HSD17B12: variants seen among roughly 807,000 people sequenced by gnomAD.
HSD17B12 encodes the protein hydroxysteroid 17-beta dehydrogenase 12, also known as very-long-chain 3-oxoacyl-CoA reductase.
Under a neutral mutation model 39.3 loss-of-function variants are expected in HSD17B12, and 32 were observed. The observed-to-expected ratio is 0.81, with a 90% CI of 0.61 to 1.09. The LOEUF (loss-of-function observed/expected upper bound fraction) is 1.09, where lower values mean the gene tolerates loss of function less well. Ranked by LOEUF, HSD17B12 falls within the 50% of genes least tolerant of loss-of-function variation. The pLI is 0.00. For missense variants in HSD17B12, 342 were observed against 382.9 expected, an observed-to-expected ratio of 0.89 and a Z score of 0.89; for synonymous variants, 150 against 146.7, an observed-to-expected ratio of 1.02 and a Z score of -0.16.
chr11:43,683,114 T>G (rs1218131473), intron 1 of HSD17B12, among the ~76,000 whole-genome samples: 3 of 151,604 alleles, frequency 2.0e-5, no homozygotes, highest in Non-Finnish European at 2.9e-5. Flanking sequence ...GTTTTTTTTT[T>G]TTTTTCTCTT....
chr11:43,806,380 C>G (rs1291996063), intron 4 of HSD17B12: 1 of 152,134 alleles, frequency 6.6e-6, no homozygotes, highest in African/African-American at 2.4e-5. Flanking sequence ...GAAGAGATAT[C>G]TGCACTCTAT....
chr11:43,655,437 A>T, the HSD17B12 span, among the ~76,000 whole-genome samples: 1 of 152,116 alleles, frequency 6.6e-6, no homozygotes, highest in Non-Finnish European at 1.5e-5. Context: ...AACTTCCAAC[A>T]CTATGTTGAA....
chr11:43,581,401 C>T, the HSD17B12 span: 5 of 515,362 alleles, frequency 9.7e-6, no homozygotes, highest in Admixed American at 4.0e-5. The surrounding 1 kb of genome is among the most constrained non-coding windows in gnomAD (Gnocchi z 4.9). Flanking sequence ...TTCTGCCCTT[C>T]GCGAATCTTT....
intron 1 of HSD17B12, chr11:43,719,117 G>C (rs377256253): frequency 1.3e-6 from 1 of 762,054 alleles, no homozygotes; most frequent in Admixed American, 1.7e-5. Context: ...CAATGCTTTG[G>C]ATGTTGCCAA....
chr11:43,804,805 A>G (rs755358991), intron 4 of HSD17B12, among the ~76,000 whole-genome samples: 12 of 152,244 alleles, frequency 7.9e-5, no homozygotes, highest in Non-Finnish European at 1.8e-4. Flanking sequence ...CATCAGAGTT[A>G]AGATCAGAGT....
At chr11:43,685,478 A>C (rs1263797529) in intron 1 of HSD17B12, among the ~76,000 whole-genome samples, 1 of 152,254 alleles carries the variant, frequency 6.6e-6, no homozygotes, top group Non-Finnish European at 1.5e-5. Context: ...TTAGTTATTT[A>C]AATTGACAAC....
the HSD17B12 span, among the ~76,000 whole-genome samples, chr11:43,672,149 C>G: frequency 6.6e-6 from 1 of 151,986 alleles, no homozygotes; most frequent in Non-Finnish European, 1.5e-5. Flanking sequence ...CCCGGGTTCA[C>G]GCCATTCTCC....
the HSD17B12 span, among the ~76,000 whole-genome samples, chr11:43,583,014 A>G: frequency 4.6e-5 from 7 of 152,208 alleles, no homozygotes; most frequent in Non-Finnish European, 1.0e-4. Flanking sequence ...GGAGAGGCAT[A>G]AGAACCACGT....
At chr11:43,631,641 G>GTC in the HSD17B12 span, among the ~76,000 whole-genome samples, 17 of 144,926 alleles carry the variant, frequency 1.2e-4, no homozygotes, top group East Asian at 2.0e-3. Flanking sequence ...GTCGCTCTCT[G>GTC]TCTCTCTCTC....
At chr11:43,799,265 C>T (rs1034734583) in intron 4 of HSD17B12, among the ~76,000 whole-genome samples, 1 of 151,948 alleles carries the variant, frequency 6.6e-6, no homozygotes. Flanking sequence ...AGATTCCCAC[C>T]CCACCCTGAC....
the HSD17B12 span, among the ~76,000 whole-genome samples, chr11:43,629,585 C>T: frequency 6.6e-6 from 1 of 152,192 alleles, no homozygotes; most frequent in Admixed American, 6.5e-5. Flanking sequence ...GTTTATTGAG[C>T]TTGTCTGGTG....
the HSD17B12 span, among the ~76,000 whole-genome samples, chr11:43,560,713 T>C: frequency 1.3e-5 from 2 of 152,020 alleles, no homozygotes; most frequent in Admixed American, 1.3e-4. Flanking sequence ...AAAACACGGG[T>C]TCAAAGACAA....
chr11:43,802,580 T>G (rs1292950337), intron 4 of HSD17B12, among the ~76,000 whole-genome samples: 1 of 152,214 alleles, frequency 6.6e-6, no homozygotes, highest in Non-Finnish European at 1.5e-5. Flanking sequence ...ATTATGAGTA[T>G]AATTTATTGA....
chr11:43,749,638 C>CTTT (rs1036279426), intron 1 of HSD17B12, among the ~76,000 whole-genome samples: 6 of 140,700 alleles, frequency 4.3e-5, no homozygotes, highest in Non-Finnish European at 9.4e-5. Context: ...CTTTTTTTTT[C>CTTT]TTTTTTTTTT....
At chr11:43,725,054 G>C (rs936062497) in intron 1 of HSD17B12, among the ~76,000 whole-genome samples, 37 of 152,100 alleles carry the variant, frequency 2.4e-4, no homozygotes, top group Non-Finnish European at 3.4e-4. Context: ...ACCATGGCTT[G>C]GAGAACAGGA....
intron 3 of HSD17B12, among the ~76,000 whole-genome samples, chr11:43,777,844 G>A (rs1437242508): frequency 6.6e-6 from 1 of 152,042 alleles, no homozygotes; most frequent in Non-Finnish European, 1.5e-5. Context: ...CTGTGTAGAG[G>A]GAAATTTATA....
At chr11:43,581,257 C>T in the HSD17B12 span, 1 of 454,180 alleles carries the variant, frequency 2.2e-6, no homozygotes. The surrounding 1 kb of genome is among the most constrained non-coding windows in gnomAD (Gnocchi z 4.9). Context: ...TCCAGGGGCG[C>T]GGAGGGGCGG....
chr11:43,794,713 G>T (rs1268375712), intron 3 of HSD17B12, among the ~76,000 whole-genome samples: 1 of 152,206 alleles, frequency 6.6e-6, no homozygotes, highest in Non-Finnish European at 1.5e-5. Context: ...AAAGCTGTCT[G>T]CTGGTGATAC....
At chr11:43,713,137 T>A (rs1950085494) in intron 1 of HSD17B12, among the ~76,000 whole-genome samples, 1 of 152,182 alleles carries the variant, frequency 6.6e-6, no homozygotes, top group African/African-American at 2.4e-5. Context: ...TTTTTTAAAT[T>A]TTTTTGTTAT....
Sources: gnomAD v4.1 joint callset for allele counts (sites outside exome capture counted in the v4.1 genomes callset) on GRCh38, gnomAD v4.1.1 for gene constraint, Gnocchi (gnomAD v3.1) non-coding constraint, MANE v1.5 for transcripts, NCBI Gene and HGNC (gene_info 2026-07-23, HGNC 2026-07-21) for gene names.